Variants in TDRD1 observed in about 807,000 individuals in gnomAD.
TDRD1 encodes tudor domain-containing protein 1.
Under a neutral mutation model 140.6 loss-of-function variants are expected in TDRD1, and 37 were observed. That is an observed-to-expected ratio of 0.26 (90% confidence interval 0.20 to 0.35). TDRD1 has a LOEUF of 0.35. Among genes scored for constraint, TDRD1 ranks in the 10% least tolerant of loss-of-function variants. The probability of loss-of-function intolerance (pLI) is 1.00; values close to 1 mark genes in which losing one functional copy is unlikely to be tolerated. For missense variants in TDRD1, 1,243 were observed against 1,393.0 expected (o/e 0.89, Z 1.71); for synonymous variants, 506 against 475.7 (o/e 1.06, Z -0.83).
At chr10:114,208,850 T>G (rs1032212444) in intron 11 of TDRD1, among the ~76,000 whole-genome samples, 3 of 151,670 alleles carry the variant, frequency 2.0e-5, no homozygotes, top group African/African-American at 7.3e-5. Flanking sequence ...CTCAGCTCCC[T>G]GCAACCTCCG....
At chr10:114,200,326 T>C (rs374528767) in intron 4 of TDRD1, among the ~76,000 whole-genome samples, 1 of 152,182 alleles carries the variant, frequency 6.6e-6, no homozygotes, top group East Asian at 1.9e-4. Context: ...TATTTTAGGA[T>C]GGAAGCATTT....
At chr10:114,194,753 T>G (rs1314937702) in intron 3 of TDRD1, among the ~76,000 whole-genome samples, 4 of 147,148 alleles carry the variant, frequency 2.7e-5, no homozygotes, top group Admixed American at 6.9e-5. Context: ...AGTGGTTGGT[T>G]GTTGGTTTTT....
exon 26 of TDRD1, chr10:114,232,125 T>G (rs2036788402): frequency 6.6e-6 from 1 of 150,970 alleles, no homozygotes; most frequent in Non-Finnish European, 1.5e-5. Flanking sequence ...CTTAATTGGA[T>G]TATTTTTCTT....
intron 15 of TDRD1, 104 bp from the exon 16 acceptor site, chr10:114,213,873 A>G: frequency 9.8e-7 from 1 of 1,024,696 alleles, no homozygotes. Flanking sequence ...GGCACTTAAA[A>G]AGTCAGTGGA....
At chr10:114,202,065 G>A (rs112947234) in intron 5 of TDRD1, among the ~76,000 whole-genome samples, 173 bp from the exon 6 acceptor site, 2,064 of 152,324 alleles carry the variant, frequency 0.014, 47 homozygotes, top group African/African-American at 0.047. Context: ...CACACAGGGT[G>A]TGGACCACTG....
At position 114,227,900 on chromosome 10, in the gene TDRD1, G is replaced by A. The variant is rs749522885; in HGVS notation, c.3404-10G>A. On this transcript the variant is annotated splice_polypyrimidine_tract_variant and intron_variant, in intron 23 of 25. Coordinates refer to ENST00000251864, the Ensembl canonical transcript of TDRD1. ...TGTTATCTAATGGCTTATTTTTCTTGTGCTTTTAGAAAAGATGTATAGGAT... is the reference window on the plus strand; with the variant it reads ...TGTTATCTAATGGCTTATTTTTCTTATGCTTTTAGAAAAGATGTATAGGAT... 6.2e-7 allele frequency: 1 copy of A among 1,611,574 alleles called. No homozygotes were observed.
chr10:114,228,016 A>T, intron 24 of TDRD1, 22 bp from the exon 25 acceptor site: 1 of 1,610,440 alleles, frequency 6.2e-7, no homozygotes, highest in Non-Finnish European at 8.5e-7. Context: ...ATTAAATCAT[A>T]TGGTTTCTTT....
At chr10:114,229,895 A>C (rs1327082283) in intron 25 of TDRD1, among the ~76,000 whole-genome samples, 2 of 150,656 alleles carry the variant, frequency 1.3e-5, no homozygotes. Context: ...CAGTGGCGCT[A>C]TCTCAGCTCA....
In TDRD1 at chr10:114,191,397, T is replaced by C. The variant is rs558596649; in HGVS notation, c.384+378T>C. Among the ~76,000 whole-genome samples the C allele has an allele frequency of 2.6e-5, 4 of 152,326 alleles. No homozygotes were observed. The East Asian group carries it at 7.7e-4, about 29-fold the overall frequency. On this transcript the variant is annotated intron_variant, in intron 3 of 25. Transcript: ENST00000251864. ...TCCACTTTTCCTTCTGCCCCTGCCCTCTTAATCCATAGCAGCCACTGATAT... is the reference window on the plus strand; with the variant it reads ...TCCACTTTTCCTTCTGCCCCTGCCCCCTTAATCCATAGCAGCCACTGATAT...
chr10:114,176,872 T>G (rs1379984559), upstream of TDRD1, among the ~76,000 whole-genome samples: 2 of 152,218 alleles, frequency 1.3e-5, no homozygotes, highest in Non-Finnish European at 2.9e-5. This position sits in a 1 kb window ranked among gnomAD's most constrained non-coding sequence, Gnocchi z 4.2. Flanking sequence ...GTGATATTAC[T>G]TAAAAAGTGG....
At position 114,221,312 on chromosome 10, in the gene TDRD1, C is replaced by T. The variant is rs76762468; in HGVS notation, c.2771-45C>T. 4,584 of 1,583,490 alleles carry T rather than the reference C, an allele frequency of 2.9e-3. 9 individuals carry two copies. The highest frequency in any genetic ancestry group is 3.5e-3 in the Non-Finnish European group (4,054 of 1,160,038). Reference sequence around the variant, plus strand: ...TATGTTACTGAGGAAAACAACAGTACATTTTTTTTATTCCGTGTGAGACCT... The same window carrying T: ...TATGTTACTGAGGAAAACAACAGTATATTTTTTTTATTCCGTGTGAGACCT... On this transcript the variant is annotated intron_variant, in intron 19 of 25. Transcript: ENST00000251864.
chr10:114,218,599 A>G lies in TDRD1; in HGVS notation c.2494+15A>G. ...CCAGTTAGCAGGTATGGTATACAAT[A>G]AGAAACTTTCTCAACTTTCTAATAC... On this transcript the variant is annotated intron_variant, in intron 18 of 25. Coordinates refer to ENST00000251864, the Ensembl canonical transcript of TDRD1. 6.4e-7 allele frequency: 1 copy of G among 1,555,232 alleles called. No homozygotes were observed. Among genetic ancestry groups the G allele is most frequent in the East Asian group, 2.3e-5 (1 of 43,324 alleles).
chr10:114,226,535 G>A (rs2036448903), intron 22 of TDRD1, among the ~76,000 whole-genome samples: 1 of 152,170 alleles, frequency 6.6e-6, no homozygotes, highest in Non-Finnish European at 1.5e-5. Context: ...GTGAACCAGG[G>A]TGTCTGACCT....
At chr10:114,212,685 T>G (rs1220558962) in intron 14 of TDRD1, among the ~76,000 whole-genome samples, 3 of 152,186 alleles carry the variant, frequency 2.0e-5, no homozygotes, top group Non-Finnish European at 2.9e-5. Flanking sequence ...AGTGTTGAGT[T>G]GTAAGTGCCA....
intron 3 of TDRD1, among the ~76,000 whole-genome samples, chr10:114,193,139 A>C (rs1191063620): frequency 6.6e-6 from 1 of 152,056 alleles, no homozygotes; most frequent in South Asian, 2.1e-4. Flanking sequence ...TACATATCCT[A>C]TGCATGTTTT....
At chr10:114,196,102 T>A (rs912009383) in intron 3 of TDRD1, among the ~76,000 whole-genome samples, 3 of 152,220 alleles carry the variant, frequency 2.0e-5, no homozygotes, top group African/African-American at 7.2e-5. Context: ...CTCTCAAACA[T>A]AATTTAGAAT....
chr10:114,195,060 T>C (rs2034251915), intron 3 of TDRD1, among the ~76,000 whole-genome samples: 1 of 152,074 alleles, frequency 6.6e-6, no homozygotes, highest in South Asian at 2.1e-4. Flanking sequence ...CTGCCCAGCC[T>C]CAGTGTATCT....
intron 1 of TDRD1, among the ~76,000 whole-genome samples, chr10:114,183,024 A>T (rs1323662656): frequency 6.6e-6 from 1 of 152,184 alleles, no homozygotes; most frequent in Non-Finnish European, 1.5e-5. Flanking sequence ...TCTATAAAGC[A>T]CCATGGTGGA....
In TDRD1 at chr10:114,184,245, G is replaced by T. The variant is rs78230177; in HGVS notation, c.-6-3581G>T. ...TTATGAACTTACCTTCTTCCTCTCTGCATTCTGTTCATGCCTTTTTGTCAT... is the reference window on the plus strand; with the variant it reads ...TTATGAACTTACCTTCTTCCTCTCTTCATTCTGTTCATGCCTTTTTGTCAT... On this transcript the variant is annotated intron_variant, in intron 1 of 25. Transcript: ENST00000251864. Among the ~76,000 whole-genome samples the T allele has an allele frequency of 3.7e-3, 562 of 151,208 alleles. 3 individuals carry two copies. Among genetic ancestry groups the T allele is most frequent in the African/African-American group, 0.013 (535 of 41,078 alleles).
Sources: gnomAD v4.1 joint callset for allele counts (sites outside exome capture counted in the v4.1 genomes callset) on GRCh38, gnomAD v4.1.1 for gene constraint, Gnocchi (gnomAD v3.1) non-coding constraint, MANE v1.5 for transcripts, NCBI Gene and HGNC (gene_info 2026-07-23, HGNC 2026-07-21) for gene names.